The following ABRAXAS2 variants were observed in gnomAD, a reference collection of about 807,000 sequenced individuals.
ABRAXAS2 encodes the protein abraxas 2, BRISC complex subunit.
ABRAXAS2 carries 23 observed loss-of-function variants against 49.0 expected under a neutral mutation model. That is an observed-to-expected ratio of 0.47 (90% CI 0.34 to 0.66). The LOEUF is 0.66. Ranked by LOEUF, ABRAXAS2 falls within the 30% of genes least tolerant of loss-of-function variation. The pLI is 0.01. For synonymous variants in ABRAXAS2, 168 were observed against 180.2 expected (o/e 0.93, Z 0.54); for missense variants, 443 against 511.9 (o/e 0.87, Z 1.30).
intron 8 of ABRAXAS2, among the ~76,000 whole-genome samples, chr10:124,831,840 GTCTTT>G (rs1950934878): frequency 9.4e-6 from 1 of 106,208 alleles, no homozygotes. Context: ...ACTGTGTCCT[GTCTTT>G]TTTTTTTTTT....
intron 5 of ABRAXAS2, among the ~76,000 whole-genome samples, 172 bp from the exon 6 acceptor site, chr10:124,828,584 C>T (rs538158557): frequency 5.9e-5 from 9 of 151,768 alleles, no homozygotes; most frequent in Non-Finnish European, 8.8e-5. Context: ...GCCAGGCTGG[C>T]GTTGGTCTCG....
At chr10:124,828,938 A>T (rs1189325610) in intron 6 of ABRAXAS2, 63 bp downstream of exon 6, 8 of 1,548,592 alleles carry the variant, frequency 5.2e-6, no homozygotes, top group Middle Eastern at 1.7e-4. Flanking sequence ...TGTTAATAAC[A>T]TTTAAAAGGT....
rs994677154 is a variant in ABRAXAS2, at chr10:124,826,690, C to T, written c.363C>T (p.Gly121=). 1.2e-5 allele frequency: 20 copies of T among 1,614,064 alleles called. No individual in the cohort carries two copies. Among genetic ancestry groups the T allele is most frequent in the Admixed American group, 1.2e-4 (7 of 59,984 alleles). The change falls in exon 5 of 9, where the codon GGC becomes GGT. Residue 121 remains glycine, a synonymous_variant. Transcript: ENST00000298492. ...VLHKQLTRIL[G]VPDLVFLLFS... ...ACAAGCAGCTCACCCGCATCCTCGGCGTGCCCGACCTCGTCTTTCTTCTCT... is the reference window on the plus strand; with the variant it reads ...ACAAGCAGCTCACCCGCATCCTCGGTGTGCCCGACCTCGTCTTTCTTCTCT...
intron 4 of ABRAXAS2, among the ~76,000 whole-genome samples, chr10:124,824,570 A>C (rs1950885813): frequency 6.6e-6 from 1 of 152,030 alleles, no homozygotes; most frequent in South Asian, 2.1e-4. Flanking sequence ...GCAGCTAGGA[A>C]AAAAAATGAA....
At chr10:124,810,436 G>A (rs1389166176) in intron 2 of ABRAXAS2, among the ~76,000 whole-genome samples, 1 of 152,108 alleles carries the variant, frequency 6.6e-6, no homozygotes, top group Non-Finnish European at 1.5e-5. Flanking sequence ...CGAGGTGGGA[G>A]GATTGCTTGA....
chr10:124,819,485 A>G (rs147036264), intron 4 of ABRAXAS2, 35 bp downstream of exon 4: 16 of 1,555,288 alleles, frequency 1.0e-5, no homozygotes, highest in Middle Eastern at 1.7e-4. Flanking sequence ...TGATTCTGAA[A>G]TCGTTCCTTA....
At chr10:124,829,715 G>T (rs538155615) in intron 7 of ABRAXAS2, among the ~76,000 whole-genome samples, 5 of 152,288 alleles carry the variant, frequency 3.3e-5, no homozygotes, top group African/African-American at 1.2e-4. Context: ...AATACTTACA[G>T]CCCCATTTGT....
chr10:124,802,687 TTC>T, intron 1 of ABRAXAS2, among the ~76,000 whole-genome samples: 1 of 152,336 alleles, frequency 6.6e-6, no homozygotes, highest in African/African-American at 2.4e-5. Context: ...ACTAGATCAC[TTC>T]TCTCTTAAAG....
intron 4 of ABRAXAS2, 62 bp downstream of exon 4, chr10:124,819,512 AC>A: frequency 7.1e-7 from 1 of 1,409,618 alleles, no homozygotes; most frequent in Non-Finnish European, 1.0e-6. Context: ...AAAAGATAAA[AC>A]CAGACAGGAA....
chr10:124,803,937 A>G lies in ABRAXAS2; in HGVS notation c.72+2036A>G, dbSNP rs533435957. ...ACCATTTTTAGCTTACAGGCCGTAC[A>G]TTAATAAGCATTAGGCTGGAATTAG... is the stretch of plus-strand genomic sequence containing the variant. On this transcript the variant is annotated intron_variant, in intron 1 of 8. Coordinates refer to ENST00000298492, the MANE Select transcript of ABRAXAS2 (RefSeq NM_032182.4). Among the ~76,000 whole-genome samples the G allele has an allele frequency of 2.6e-5, 4 of 152,308 alleles. No individual in the cohort carries two copies. The South Asian group carries it at 6.2e-4, about 24-fold the overall frequency.
chr10:124,830,763 A>C lies in ABRAXAS2; in HGVS notation c.664-586A>C, dbSNP rs77545084. The stretch of plus-strand genomic sequence containing the variant: ...TTTTCAGAATATCAGCACTGGCCAA[A>C]AGTGGCTGTTATATTTCATTGTTGA... On this transcript the variant is annotated intron_variant, in intron 7 of 8. Coordinates refer to ENST00000298492, the MANE Select transcript of ABRAXAS2 (RefSeq NM_032182.4). 6.5e-3 allele frequency among the ~76,000 whole-genome samples: 985 copies of C among 152,366 alleles called. 12 individuals carry two copies. Among genetic ancestry groups the C allele is most frequent in the African/African-American group, 0.023 (960 of 41,588 alleles).
At chr10:124,803,647 A>G (rs1162787476) in intron 1 of ABRAXAS2, among the ~76,000 whole-genome samples, 2 of 152,234 alleles carry the variant, frequency 1.3e-5, no homozygotes, top group African/African-American at 4.8e-5. Flanking sequence ...CATGCCTGTA[A>G]TCCCAGCACT....
intron 1 of ABRAXAS2, among the ~76,000 whole-genome samples, chr10:124,802,726 G>T (rs1950714530): frequency 6.6e-6 from 1 of 152,186 alleles, no homozygotes; most frequent in Non-Finnish European, 1.5e-5. Flanking sequence ...CCACCAAATT[G>T]GGGGATTATT....
In ABRAXAS2 at chr10:124,821,161, C is replaced by T. The variant is rs913583387; in HGVS notation, c.267+1711C>T. On this transcript the variant is annotated intron_variant, in intron 4 of 8. Transcript: ENST00000298492. ...GTCCTGGGCTCAAGTGATCTGCCCACCTCGGCCTCCCCAAGTGCTGGGATT... is the reference window on the plus strand; with the variant it reads ...GTCCTGGGCTCAAGTGATCTGCCCATCTCGGCCTCCCCAAGTGCTGGGATT... Among the ~76,000 whole-genome samples, 4 of 152,156 alleles carry T rather than the reference C, an allele frequency of 2.6e-5. No individual in the cohort carries two copies. The South Asian group carries it at 8.3e-4, about 32-fold the overall frequency.
chr10:124,831,596 A>G, intron 8 of ABRAXAS2, 133 bp downstream of exon 8: 1 of 523,004 alleles, frequency 1.9e-6, no homozygotes, highest in South Asian at 2.6e-5. Flanking sequence ...GGGGCAGAGC[A>G]GTCTCTTGTT....
Position 124,835,476 on chromosome 10 carries a change from T to G in ABRAXAS2, c.*505T>G, listed in dbSNP as rs905471298. The G allele has an allele frequency of 6.5e-6, 1 of 153,292 alleles. No homozygotes were observed. The highest frequency in any genetic ancestry group is 2.4e-5 in the African/African-American group (1 of 41,446). 9.5% of individuals were successfully genotyped at this position (153,292 alleles called of 1,614,324 possible). A position where few individuals can be genotyped will look rare whatever the true frequency, so the allele number is the denominator to read the frequency against. Reference sequence around the variant, plus strand: ...TTTTGATAATTCCAAGAAGCCTGATTAGAACAAATCAGATATACCTTCTCT... The same window carrying G: ...TTTTGATAATTCCAAGAAGCCTGATGAGAACAAATCAGATATACCTTCTCT... On this transcript the variant is annotated 3_prime_UTR_variant, in exon 9 of 9. Coordinates refer to ENST00000298492, the MANE Select transcript of ABRAXAS2 (RefSeq NM_032182.4).
chr10:124,804,205 G>A (rs1950725346), intron 1 of ABRAXAS2, among the ~76,000 whole-genome samples: 1 of 152,154 alleles, frequency 6.6e-6, no homozygotes, highest in Non-Finnish European at 1.5e-5. Context: ...ATCTGACCTA[G>A]AATTTCTTGA....
intron 2 of ABRAXAS2, among the ~76,000 whole-genome samples, chr10:124,813,675 T>C (rs562875295): frequency 6.6e-6 from 1 of 152,300 alleles, no homozygotes; most frequent in African/African-American, 2.4e-5. Context: ...TCACCCTGTT[T>C]TTCCATGAGT....
chr10:124,812,686 A>G (rs1950798079), intron 2 of ABRAXAS2, among the ~76,000 whole-genome samples: 1 of 152,080 alleles, frequency 6.6e-6, no homozygotes, highest in Admixed American at 6.6e-5. Flanking sequence ...TAAACTGGGA[A>G]CTTTGGAAAA....
Sources: gnomAD v4.1 joint callset for allele counts (sites outside exome capture counted in the v4.1 genomes callset) on GRCh38, gnomAD v4.1.1 for gene constraint, MANE v1.5 for transcripts, NCBI Gene and HGNC (gene_info 2026-07-23, HGNC 2026-07-21) for gene names.